Variants in PCDH9 observed in about 807,000 individuals in gnomAD.
PCDH9 encodes protocadherin 9.
A neutral mutation model predicts 70.6 loss-of-function variants in PCDH9; 24 were observed. That is an observed-to-expected ratio of 0.34 (90% CI 0.25 to 0.48). The LOEUF is 0.48. Among genes scored for constraint, PCDH9 ranks in the 20% least tolerant of loss-of-function variants. The probability of loss-of-function intolerance (pLI) is 0.99; values close to 1 mark genes in which losing one functional copy is unlikely to be tolerated. For synonymous variants in PCDH9, 562 were observed against 558.5 expected (o/e 1.01, Z -0.09); for missense variants, 1,281 against 1,503.6 (o/e 0.85, Z 2.45).
intron 2 of PCDH9, among the ~76,000 whole-genome samples, chr13:67,157,532 G>C (rs942053102): frequency 1.3e-5 from 2 of 152,082 alleles, no homozygotes; most frequent in Non-Finnish European, 2.9e-5. Context: ...TATGATTATA[G>C]CACTGGCCTG....
intron 3 of PCDH9, among the ~76,000 whole-genome samples, chr13:66,668,652 C>G (rs374717131): frequency 7.9e-5 from 12 of 152,138 alleles, no homozygotes; most frequent in African/African-American, 2.9e-4. Flanking sequence ...GCAGTGGTGA[C>G]CGAGAGAGCC....
intron 3 of PCDH9, among the ~76,000 whole-genome samples, chr13:66,720,906 G>A (rs1447117022): frequency 1.3e-5 from 2 of 152,054 alleles, no homozygotes; most frequent in Non-Finnish European, 2.9e-5. Flanking sequence ...GGTATACGCA[G>A]GGGAAAAAAA....
In PCDH9 at chr13:66,763,764, A is replaced by G. The variant is rs143553784; in HGVS notation, c.3139-132353T>C. Among the ~76,000 whole-genome samples the G allele has an allele frequency of 2.2e-3, 342 of 152,114 alleles. 5 individuals are homozygous for G. Among genetic ancestry groups the G allele is most frequent in the African/African-American group, 8.0e-3 (333 of 41,468 alleles). ...CTATACCTCAAGTTTTTTTAATAGTATACCTTCACAACTTAATCTATCTGT... is the reference window on the plus strand; with the variant it reads ...CTATACCTCAAGTTTTTTTAATAGTGTACCTTCACAACTTAATCTATCTGT... On this transcript the variant is annotated intron_variant, in intron 3 of 4. Coordinates refer to ENST00000377865, the MANE Select transcript of PCDH9 (RefSeq NM_203487.3).
chr13:67,186,095 T>C (rs2088752472), intron 2 of PCDH9, among the ~76,000 whole-genome samples: 2 of 152,092 alleles, frequency 1.3e-5, no homozygotes, highest in Non-Finnish European at 2.9e-5. Context: ...TGGTGTAAAA[T>C]ATTTATATAT....
intron 4 of PCDH9, among the ~76,000 whole-genome samples, chr13:66,470,130 C>A (rs1021352953): frequency 6.6e-6 from 1 of 152,126 alleles, no homozygotes; most frequent in Non-Finnish European, 1.5e-5. Context: ...ATTGATGCCA[C>A]TTCTATATTA....
At chr13:66,922,332 C>A (rs2082650068) in intron 2 of PCDH9, among the ~76,000 whole-genome samples, 1 of 151,372 alleles carries the variant, frequency 6.6e-6, no homozygotes, top group South Asian at 2.1e-4. Flanking sequence ...TCAGTTATTT[C>A]TTCTTCAATA....
intron 2 of PCDH9, among the ~76,000 whole-genome samples, chr13:66,980,228 G>A (rs2083714296): frequency 6.6e-6 from 1 of 151,666 alleles, no homozygotes; most frequent in Non-Finnish European, 1.5e-5. Flanking sequence ...TCCCAAACTG[G>A]GGGACATTCT....
intron 3 of PCDH9, among the ~76,000 whole-genome samples, chr13:66,722,034 A>G (rs1197853702): frequency 6.6e-6 from 1 of 152,112 alleles, no homozygotes; most frequent in East Asian, 1.9e-4. Context: ...TTTATCTTCC[A>G]CCATTATCTA....
chr13:67,166,795 C>T (rs546431971), intron 2 of PCDH9, among the ~76,000 whole-genome samples: 13 of 152,244 alleles, frequency 8.5e-5, no homozygotes, highest in Admixed American at 2.0e-4. Flanking sequence ...ACCGTGGCTA[C>T]GGGCATTGTA....
intron 2 of PCDH9, among the ~76,000 whole-genome samples, chr13:66,924,813 T>C (rs919119998): frequency 6.6e-6 from 1 of 151,792 alleles, no homozygotes; most frequent in Non-Finnish European, 1.5e-5. Flanking sequence ...GAATTTTGAG[T>C]TGGCTGGTGC....
rs188208146 is a variant in PCDH9, at chr13:66,416,283, T to C, written c.3341-111255A>G. The stretch of plus-strand genomic sequence containing the variant: ...TTTTAATTCATGTGCCCCAGGAATA[T>C]AGTGTATATCATTAGCCCACGGAAG... On this transcript the variant is annotated intron_variant, in intron 4 of 4. Transcript: ENST00000377865. Among the ~76,000 whole-genome samples the C allele has an allele frequency of 2.0e-3, 295 of 149,930 alleles. 1 individual carries two copies. Among genetic ancestry groups the C allele is most frequent in the African/African-American group, 6.9e-3 (283 of 40,844 alleles).
chr13:66,672,376 TC>T (rs546132993), intron 3 of PCDH9, among the ~76,000 whole-genome samples: 4 of 152,156 alleles, frequency 2.6e-5, no homozygotes, highest in Non-Finnish European at 5.9e-5. Context: ...TTTGGGAATC[TC>T]CATCTAGACT....
chr13:66,931,828 G>T (rs894012067), intron 2 of PCDH9, among the ~76,000 whole-genome samples: 10 of 151,866 alleles, frequency 6.6e-5, no homozygotes, highest in African/African-American at 2.4e-4. Flanking sequence ...TGACAATATG[G>T]TTACCAATCA....
At chr13:66,566,287 C>T (rs567192012) in intron 4 of PCDH9, among the ~76,000 whole-genome samples, 51 of 152,140 alleles carry the variant, frequency 3.4e-4, no homozygotes, top group Non-Finnish European at 5.9e-4. Context: ...TCAGTAGACT[C>T]TGAGACTCCT....
At chr13:67,070,743 G>A (rs1008559318) in intron 2 of PCDH9, among the ~76,000 whole-genome samples, 8 of 152,106 alleles carry the variant, frequency 5.3e-5, no homozygotes, top group Non-Finnish European at 8.8e-5. Context: ...ACTGTGATCT[G>A]TAGTAGGTAT....
chr13:66,344,005 C>T (rs1281722813), intron 4 of PCDH9, among the ~76,000 whole-genome samples: 1 of 151,904 alleles, frequency 6.6e-6, no homozygotes, highest in African/African-American at 2.4e-5. Flanking sequence ...TCAAAGTATC[C>T]CTTAGAAAAG....
chr13:66,692,761 A>G (rs921241346), intron 3 of PCDH9, among the ~76,000 whole-genome samples: 1 of 152,076 alleles, frequency 6.6e-6, no homozygotes, highest in Admixed American at 6.5e-5. Context: ...TCATGGTACT[A>G]TTATTTAGAG....
At chr13:66,874,007 C>A (rs377484448) in intron 3 of PCDH9, among the ~76,000 whole-genome samples, 109 of 144,252 alleles carry the variant, frequency 7.6e-4, no homozygotes, top group African/African-American at 2.7e-3. Context: ...GTGGCACAGG[C>A]ATGGCTCACT....
At chr13:66,827,868 C>A (rs937299719) in intron 3 of PCDH9, among the ~76,000 whole-genome samples, 1 of 152,082 alleles carries the variant, frequency 6.6e-6, no homozygotes, top group Non-Finnish European at 1.5e-5. Flanking sequence ...CTATGGGATA[C>A]TTAGAGATAT....
Sources: allele counts gnomAD v4.1 joint callset (sites outside exome capture counted in the v4.1 genomes callset), GRCh38; gene constraint gnomAD v4.1.1; transcripts MANE v1.5; gene names NCBI Gene and HGNC (gene_info 2026-07-23, HGNC 2026-07-21).